The following ALDH1L1 variants were observed in gnomAD, a reference collection of about 807,000 sequenced individuals.
ALDH1L1 encodes the protein cytosolic 10-formyltetrahydrofolate dehydrogenase.
Under a neutral mutation model 101.1 loss-of-function variants are expected in ALDH1L1, and 68 were observed. That is an observed-to-expected ratio of 0.67 (90% CI 0.55 to 0.82). The LOEUF (loss-of-function observed/expected upper bound fraction) is 0.82, where lower values mean the gene tolerates loss of function less well. Ranked by LOEUF, ALDH1L1 falls within the 40% of genes least tolerant of loss-of-function variation. ALDH1L1 has a pLI of 0.00. For synonymous variants in ALDH1L1, 486 were observed against 470.8 expected, an observed-to-expected ratio of 1.03 and a Z score of -0.42; for missense variants, 1,087 against 1,172.7, an observed-to-expected ratio of 0.93 and a Z score of 1.07.
chr3:126,180,792 A>T (rs553846116), upstream of ALDH1L1: 7 of 1,493,808 alleles, frequency 4.7e-6, no homozygotes, highest in South Asian at 9.2e-5. Context: ...TAGGTCAAGA[A>T]GACTTACTGT....
chr3:126,107,802 C>G (rs547072112), intron 20 of ALDH1L1: 1 of 154,620 alleles, frequency 6.5e-6, no homozygotes, highest in Non-Finnish European at 1.4e-5. Flanking sequence ...ACTCCCAACC[C>G]TGGATGCAGC....
chr3:126,110,597 T>A (rs1387539165), intron 19 of ALDH1L1, among the ~76,000 whole-genome samples: 5 of 152,086 alleles, frequency 3.3e-5, no homozygotes, highest in Non-Finnish European at 5.9e-5. Context: ...AAGGCTCTAG[T>A]CTGCTGACCC....
chr3:126,177,162 G>A (rs1406832847), intron 1 of ALDH1L1, among the ~76,000 whole-genome samples: 3 of 152,130 alleles, frequency 2.0e-5, no homozygotes, highest in African/African-American at 4.8e-5. Context: ...TTTATAACAC[G>A]AAACATACTT....
chr3:126,124,114 C>A (rs1219338034), intron 16 of ALDH1L1, among the ~76,000 whole-genome samples: 1 of 23,640 alleles, frequency 4.2e-5, no homozygotes, highest in Admixed American at 2.8e-4. Flanking sequence ...CGCGCGGACA[C>A]ACACACACAC....
At position 126,176,493 on chromosome 3, in the gene ALDH1L1, T is replaced by C. The variant is rs190574863; in HGVS notation, c.-24+3983A>G. 2.0e-3 allele frequency among the ~76,000 whole-genome samples: 303 copies of C among 152,284 alleles called. 1 individual carries two copies. The highest frequency in any genetic ancestry group is 0.01 in the Middle Eastern group (3 of 294). On this transcript the variant is annotated intron_variant, in intron 1 of 22. Transcript: ENST00000393434. ...GCAAAAGAATAGTCAGATAGATCAA[T>C]TGAACAGAATAGAGAGCCCAGAAGT...
intron 17 of ALDH1L1, among the ~76,000 whole-genome samples, chr3:126,117,063 G>A (rs62263530): frequency 0.12 from 17,809 of 151,568 alleles, 1,170 homozygotes; most frequent in African/African-American, 0.18. Flanking sequence ...GGGCAACATA[G>A]CAAAACCCCA....
chr3:126,112,772 C>A lies in ALDH1L1; in HGVS notation c.2181+10G>T, dbSNP rs768964096. The A allele has an allele frequency of 3.1e-6, 5 of 1,612,324 alleles. No individual in the cohort carries two copies. Among genetic ancestry groups the A allele is most frequent in the Non-Finnish European group, 3.4e-6 (4 of 1,179,818 alleles). ...AACCAGCCGCCCGCAGACCCTGGGG[C>A]AGGACTTACCACTCTCCGCACGAAC... On this transcript the variant is annotated intron_variant, in intron 19 of 22. Coordinates refer to ENST00000393434, the MANE Select transcript of ALDH1L1 (RefSeq NM_012190.4).
intron 1 of ALDH1L1, among the ~76,000 whole-genome samples, chr3:126,195,921 T>G (rs1052361363): frequency 1.3e-5 from 2 of 151,930 alleles, no homozygotes; most frequent in Admixed American, 1.3e-4. Flanking sequence ...ATGAGAACAC[T>G]TGGACACAGG....
chr3:126,183,991 T>C (rs1230910678), upstream of ALDH1L1, among the ~76,000 whole-genome samples: 1 of 152,240 alleles, frequency 6.6e-6, no homozygotes, highest in African/African-American at 2.4e-5. Flanking sequence ...AACTCTCTGA[T>C]GCTCTTCCAT....
upstream of ALDH1L1, among the ~76,000 whole-genome samples, chr3:126,186,051 C>T (rs1326535076): frequency 6.6e-6 from 1 of 151,972 alleles, no homozygotes. Flanking sequence ...ATGGGGAGTT[C>T]ATGTTTAATG....
upstream of ALDH1L1, among the ~76,000 whole-genome samples, chr3:126,182,802 A>G (rs1410327423): frequency 6.6e-6 from 1 of 152,198 alleles, no homozygotes; most frequent in Non-Finnish European, 1.5e-5. Context: ...TTTTAAGCAG[A>G]AAGTGTTCCG....
upstream of ALDH1L1, among the ~76,000 whole-genome samples, chr3:126,185,258 A>T (rs937559321): frequency 5.3e-5 from 8 of 151,994 alleles, no homozygotes; most frequent in African/African-American, 1.9e-4. Context: ...GCGTGTTTGC[A>T]CCCCCATGCA....
chr3:126,163,036 T>G (rs1231749280), intron 1 of ALDH1L1, among the ~76,000 whole-genome samples: 2 of 152,244 alleles, frequency 1.3e-5, no homozygotes, highest in Admixed American at 1.3e-4. Context: ...AAAAATGTTT[T>G]TTGTTGTAGT....
intron 20 of ALDH1L1, among the ~76,000 whole-genome samples, chr3:126,108,637 G>A (rs751879133): frequency 1.3e-5 from 2 of 152,252 alleles, no homozygotes; most frequent in Non-Finnish European, 2.9e-5. Flanking sequence ...TGCGGTGCCC[G>A]ATGCCCTGTG....
chr3:126,134,977 A>C (rs2080397432), intron 12 of ALDH1L1: 2 of 152,234 alleles, frequency 1.3e-5, no homozygotes, highest in African/African-American at 4.8e-5. Context: ...TAAGGTCATA[A>C]GCTAAAGTCA....
intron 12 of ALDH1L1, among the ~76,000 whole-genome samples, chr3:126,132,354 C>T (rs1230650295): frequency 2.0e-5 from 3 of 152,216 alleles, no homozygotes; most frequent in Non-Finnish European, 4.4e-5. Context: ...CACCCCAGGC[C>T]TGCTCCGGTC....
chr3:126,153,237 G>T (rs2080839299), intron 7 of ALDH1L1: 5 of 730,550 alleles, frequency 6.8e-6, no homozygotes, highest in Admixed American at 2.2e-5. Flanking sequence ...AGCTTTCCCA[G>T]AACAGAGAAG....
chr3:126,186,204 A>G (rs551833726), upstream of ALDH1L1, among the ~76,000 whole-genome samples: 2 of 152,364 alleles, frequency 1.3e-5, no homozygotes, highest in South Asian at 4.1e-4. Context: ...TTTTACCACA[A>G]TTAAAAATAA....
intron 12 of ALDH1L1, among the ~76,000 whole-genome samples, chr3:126,134,361 C>A (rs1409847514): frequency 6.6e-6 from 1 of 152,222 alleles, no homozygotes; most frequent in Admixed American, 6.5e-5. Context: ...AGGGACCCCA[C>A]GCACGCTGTT....
Sources: gnomAD v4.1 joint callset for allele counts (sites outside exome capture counted in the v4.1 genomes callset) on GRCh38, gnomAD v4.1.1 for gene constraint, MANE v1.5 for transcripts, NCBI Gene and HGNC (gene_info 2026-07-23, HGNC 2026-07-21) for gene names.